The following STUM variants were observed in gnomAD, a reference collection of about 807,000 sequenced individuals.
STUM encodes the protein stum, mechanosensory transduction mediator homolog.
STUM carries 8 observed loss-of-function variants against 15.3 expected under a neutral mutation model. That is an observed-to-expected ratio of 0.52 (90% confidence interval 0.31 to 0.94). The LOEUF is 0.94. Ranked by LOEUF, STUM falls within the 40% of genes least tolerant of loss-of-function variation. The pLI is 0.05. For synonymous variants in STUM, 78 were observed against 88.7 expected (o/e 0.88, Z 0.68); for missense variants, 142 against 204.9 (o/e 0.69, Z 1.87).
chr1:226,589,454 G>A (rs935202881), intron 1 of STUM, among the ~76,000 whole-genome samples: 8 of 152,124 alleles, frequency 5.3e-5, no homozygotes, highest in African/African-American at 1.2e-4. Context: ...GCCTGGGCCC[G>A]GAGCTCCTTG....
intron 2 of STUM, 125 bp downstream of exon 2, chr1:226,597,106 T>C: frequency 1.1e-6 from 1 of 937,654 alleles, no homozygotes; most frequent in Non-Finnish European, 1.7e-6. Flanking sequence ...TGGAGAGGGC[T>C]TGCCCGTGTC....
At chr1:226,591,160 G>A (rs1297788723) in intron 1 of STUM, among the ~76,000 whole-genome samples, 1 of 152,192 alleles carries the variant, frequency 6.6e-6, no homozygotes, top group Non-Finnish European at 1.5e-5. Flanking sequence ...ATTTACTGCT[G>A]AAGAGATTAA....
At position 226,560,765 on chromosome 1, in the gene STUM, C is replaced by T. The variant is rs78327760; in HGVS notation, c.202+11659C>T. On this transcript the variant is annotated intron_variant, in intron 1 of 3. Transcript: ENST00000366788. ...TCAGAATGGCTGTGGTATAATGCTC[C>T]CATTTTGATTTTCTCTGTTAGCAGA... Among the ~76,000 whole-genome samples the T allele has an allele frequency of 6.7e-3, 1,025 of 152,212 alleles. 10 individuals are homozygous for T. The highest frequency in any genetic ancestry group is 0.015 in the South Asian group (70 of 4,818).
rs891153022 is a variant in STUM at position 226,600,363 on chromosome 1, G to T, written c.383-303G>T. ...CATGGCCAGGATATGGAGGGCTGGG[G>T]AGGCAGTGGACCAAGCTCCCTGGCA... On this transcript the variant is annotated intron_variant, in intron 2 of 3. Coordinates refer to ENST00000366788, the MANE Select transcript of STUM (RefSeq NM_001003665.4). This position sits in a 1 kb window ranked among gnomAD's most constrained non-coding sequence, Gnocchi z 5.2. Among the ~76,000 whole-genome samples the T allele has an allele frequency of 5.9e-5, 9 of 152,220 alleles. No individual in the cohort carries two copies. Among genetic ancestry groups the T allele is most frequent in the African/African-American group, 2.2e-4 (9 of 41,466 alleles).
intron 1 of STUM, among the ~76,000 whole-genome samples, chr1:226,580,375 C>CT (rs1667899024): frequency 6.6e-6 from 1 of 151,998 alleles, no homozygotes; most frequent in African/African-American, 2.4e-5. Flanking sequence ...AAGGTCTGTG[C>CT]TGGAGAATGA....
intron 1 of STUM, among the ~76,000 whole-genome samples, chr1:226,578,345 G>A (rs1237330255): frequency 3.1e-5 from 4 of 130,756 alleles, no homozygotes; most frequent in East Asian, 2.2e-4. Context: ...CCACACCACC[G>A]CCCCAACCCC....
chr1:226,577,501 A>T (rs995395995), intron 1 of STUM, among the ~76,000 whole-genome samples: 13 of 39,846 alleles, frequency 3.3e-4, no homozygotes, highest in Non-Finnish European at 7.4e-4. Flanking sequence ...ACAGTTTCTC[A>T]CACACACACA....
At chr1:226,590,358 G>A (rs539945756) in intron 1 of STUM, among the ~76,000 whole-genome samples, 14 of 152,122 alleles carry the variant, frequency 9.2e-5, no homozygotes, top group African/African-American at 1.4e-4. Flanking sequence ...GCGAGTCTGC[G>A]ATTGCACATG....
chr1:226,599,847 G>A (rs1571815041), intron 2 of STUM, among the ~76,000 whole-genome samples: 1 of 152,226 alleles, frequency 6.6e-6, no homozygotes, highest in African/African-American at 2.4e-5. Flanking sequence ...CTGGTGACCA[G>A]TCTCACATGT....
Position 226,600,324 on chromosome 1 carries a change from G to T in STUM, c.383-342G>T. Among the ~76,000 whole-genome samples, 1 of 152,210 alleles carries T rather than the reference G, an allele frequency of 6.6e-6. No homozygotes were observed. Among genetic ancestry groups the T allele is most frequent in the East Asian group, 1.9e-4 (1 of 5,198 alleles). On this transcript the variant is annotated intron_variant, in intron 2 of 3. Coordinates refer to ENST00000366788, the MANE Select transcript of STUM (RefSeq NM_001003665.4). The surrounding 1 kb of genome is among the most constrained non-coding windows in gnomAD (Gnocchi z 5.2). The stretch of plus-strand genomic sequence containing the variant: ...AAAGAAGACAAGAATAAAGAATGAA[G>T]GCAGCAGTGTGGGCATGGCCAGGAT...
intron 1 of STUM, among the ~76,000 whole-genome samples, chr1:226,593,183 C>A (rs1668117979): frequency 2.8e-5 from 2 of 70,790 alleles, no homozygotes; most frequent in East Asian, 4.5e-4. Context: ...GAGACTCCGT[C>A]TCAAAAAAAA....
intron 1 of STUM, among the ~76,000 whole-genome samples, chr1:226,559,321 T>C (rs962172706): frequency 6.6e-5 from 10 of 152,156 alleles, no homozygotes; most frequent in African/African-American, 2.4e-4. Context: ...CAAAGAACTT[T>C]AGGGCGGCTG....
chr1:226,559,425 CG>C (rs1219178492), intron 1 of STUM, among the ~76,000 whole-genome samples: 1 of 152,174 alleles, frequency 6.6e-6, no homozygotes, highest in Non-Finnish European at 1.5e-5. Flanking sequence ...ACCCTGGCTT[CG>C]GGGCCTCCCT....
intron 1 of STUM, among the ~76,000 whole-genome samples, chr1:226,550,511 A>G (rs866933706): frequency 1.3e-5 from 2 of 151,224 alleles, no homozygotes; most frequent in Non-Finnish European, 2.9e-5. Context: ...AGAAATTCTC[A>G]CCTGCTGGAG....
At chr1:226,581,828 C>T (rs16846167) in intron 1 of STUM, among the ~76,000 whole-genome samples, 21,532 of 152,214 alleles carry the variant, frequency 0.14, 1,637 homozygotes, top group East Asian at 0.23. Context: ...CTGCCCTAGC[C>T]GGCTTGTGTC....
At chr1:226,561,246 C>T (rs565554750) in intron 1 of STUM, among the ~76,000 whole-genome samples, 4 of 152,252 alleles carry the variant, frequency 2.6e-5, no homozygotes, top group South Asian at 2.1e-4. Context: ...TATTTCCAAT[C>T]GCAACTAGCA....
intron 1 of STUM, among the ~76,000 whole-genome samples, chr1:226,592,134 G>A (rs1405466698): frequency 3.9e-5 from 6 of 152,166 alleles, no homozygotes; most frequent in Non-Finnish European, 8.8e-5. Flanking sequence ...TGCAAACTCT[G>A]CCTCCCGGCT....
intron 1 of STUM, among the ~76,000 whole-genome samples, chr1:226,550,760 C>G (rs1667361907): frequency 6.6e-6 from 1 of 152,182 alleles, no homozygotes; most frequent in African/African-American, 2.4e-5. Context: ...ACGCATGTAC[C>G]TGTGTGTACC....
At chr1:226,569,361 A>G (rs574468483) in intron 1 of STUM, among the ~76,000 whole-genome samples, 8 of 152,270 alleles carry the variant, frequency 5.3e-5, no homozygotes, top group East Asian at 1.9e-4. Flanking sequence ...GAGAGGCCCA[A>G]TGCTCTGTGA....
Sources: gnomAD v4.1 joint callset for allele counts (sites outside exome capture counted in the v4.1 genomes callset) on GRCh38, gnomAD v4.1.1 for gene constraint, Gnocchi (gnomAD v3.1) non-coding constraint, MANE v1.5 for transcripts, NCBI Gene and HGNC (gene_info 2026-07-23, HGNC 2026-07-21) for gene names.